The following GSDME variants were observed in gnomAD, a reference collection of about 807,000 sequenced individuals.
The protein encoded by GSDME is gasdermin E, also known as gasdermin-E.
A neutral mutation model predicts 47.5 loss-of-function variants in GSDME; 44 were observed. The observed-to-expected ratio is 0.93, with a 90% CI of 0.73 to 1.19. GSDME has a LOEUF of 1.19. Ranked by LOEUF, GSDME falls within the 50% of genes most tolerant of loss-of-function variation. GSDME has a pLI of 0.00. For missense variants in GSDME, 663 were observed against 604.2 expected (o/e 1.10, Z -1.02); for synonymous variants, 258 against 252.8 (o/e 1.02, Z -0.20).
At position 24,736,598 on chromosome 7, in the gene GSDME, C is replaced by T. The variant is rs554725627; in HGVS notation, c.404+7964G>A. ...GGAGACATCAACACCTAGCTTTCAGCATTTGACAGATCATCCAGACAGAAA... is the reference window on the plus strand; with the variant it reads ...GGAGACATCAACACCTAGCTTTCAGTATTTGACAGATCATCCAGACAGAAA... On this transcript the variant is annotated intron_variant, in intron 3 of 9. Coordinates refer to ENST00000645220, the MANE Select transcript of GSDME (RefSeq NM_001127453.2). The surrounding 1 kb of genome is among the most constrained non-coding windows in gnomAD (Gnocchi z 4.6). Among the ~76,000 whole-genome samples, 1 of 152,278 alleles carries T rather than the reference C, an allele frequency of 6.6e-6. No individual in the cohort carries two copies. Among genetic ancestry groups the T allele is most frequent in the South Asian group, 2.1e-4 (1 of 4,820 alleles).
At chr7:24,763,193 G>A in the GSDME span, among the ~76,000 whole-genome samples, 1 of 152,100 alleles carries the variant, frequency 6.6e-6, no homozygotes, top group South Asian at 2.1e-4. This position sits in a 1 kb window ranked among gnomAD's most constrained non-coding sequence, Gnocchi z 4.3. Flanking sequence ...GCAGTTCGAG[G>A]TGAGATAGCA....
chr7:24,704,440 A>G (rs1156967804), intron 8 of GSDME: 1 of 152,148 alleles, frequency 6.6e-6, no homozygotes, highest in Admixed American at 6.5e-5. Context: ...GTTTTTAAGG[A>G]GAGAAGATTA....
the GSDME span, among the ~76,000 whole-genome samples, chr7:24,787,633 T>A: frequency 2.6e-5 from 4 of 152,240 alleles, no homozygotes; most frequent in African/African-American, 9.6e-5. The surrounding 1 kb of genome is among the most constrained non-coding windows in gnomAD (Gnocchi z 5.0). Flanking sequence ...TCTTGGCTCA[T>A]TAAAGCCATT....
At chr7:24,702,946 G>A in intron 8 of GSDME, 113 bp from the exon 9 acceptor site, 1 of 840,458 alleles carries the variant, frequency 1.2e-6, no homozygotes, top group South Asian at 1.4e-5. Context: ...CAGCCAGGCA[G>A]GGGAGGTACT....
intron 3 of GSDME, among the ~76,000 whole-genome samples, chr7:24,727,854 T>C (rs748194521): frequency 3.9e-5 from 6 of 152,228 alleles, no homozygotes; most frequent in Non-Finnish European, 8.8e-5. Flanking sequence ...GACTGTAAGC[T>C]TTTTGACAAC....
intron 2 of GSDME, among the ~76,000 whole-genome samples, chr7:24,746,121 G>T (rs1449156274): frequency 6.6e-6 from 1 of 152,124 alleles, no homozygotes; most frequent in Admixed American, 6.5e-5. Context: ...CTCAACCAGG[G>T]TTAATCAGAA....
Position 24,725,096 on chromosome 7 carries a change from C to T in GSDME, c.405-5878G>A, listed in dbSNP as rs750066107. On this transcript the variant is annotated intron_variant, in intron 3 of 9. Coordinates refer to ENST00000645220, the MANE Select transcript of GSDME (RefSeq NM_001127453.2). The surrounding 1 kb of genome is among the most constrained non-coding windows in gnomAD (Gnocchi z 5.1). ...CCTGCAGAGCCATGAGCCAATTAAA[C>T]CTCTCTTCTGTATAAATTACCCAGT... 5.3e-5 allele frequency among the ~76,000 whole-genome samples: 8 copies of T among 152,194 alleles called. No individual in the cohort carries two copies. The highest frequency in any genetic ancestry group is 2.0e-4 in the Admixed American group (3 of 15,278).
chr7:24,711,058 T>G (rs1789334573), intron 5 of GSDME, among the ~76,000 whole-genome samples: 1 of 152,180 alleles, frequency 6.6e-6, no homozygotes, highest in Admixed American at 6.5e-5. Flanking sequence ...TGCCTAGGAT[T>G]TGCTTCAAAA....
intron 6 of GSDME, among the ~76,000 whole-genome samples, 199 bp from the exon 7 acceptor site, chr7:24,708,453 G>C (rs1562689693): frequency 6.6e-6 from 1 of 152,154 alleles, no homozygotes; most frequent in Admixed American, 6.5e-5. Flanking sequence ...AAGGGAGGGA[G>C]GAGAGAGAGA....
rs182756890 is a variant in GSDME, at chr7:24,728,036, G to A, written c.405-8818C>T. On this transcript the variant is annotated intron_variant, in intron 3 of 9. Transcript: ENST00000645220. The surrounding 1 kb of genome is among the most constrained non-coding windows in gnomAD (Gnocchi z 7.2). ...TAGGGGGGCTGTAACGGGAGGAAGA[G>A]ACAGGGTGCACCCAGCCCTGCCAAT... Among the ~76,000 whole-genome samples the A allele has an allele frequency of 9.8e-3, 1,487 of 152,294 alleles. 28 individuals are homozygous for A. The highest frequency in any genetic ancestry group is 0.034 in the African/African-American group (1,398 of 41,538).
chr7:24,774,194 T>C, the GSDME span, among the ~76,000 whole-genome samples: 26 of 152,230 alleles, frequency 1.7e-4, no homozygotes, highest in Admixed American at 9.2e-4. Flanking sequence ...ATCACTCATT[T>C]GCTCCTTAAC....
rs187405490 is a variant in GSDME at position 24,728,768 on chromosome 7, C to T, written c.405-9550G>A. ...CACGTTTCATAACAGAAACTTCCCA[C>T]ACATCAGAGATGCTCAGCCCACAGC... On this transcript the variant is annotated intron_variant, in intron 3 of 9. Coordinates refer to ENST00000645220, the MANE Select transcript of GSDME (RefSeq NM_001127453.2). This position sits in a 1 kb window ranked among gnomAD's most constrained non-coding sequence, Gnocchi z 7.2. Among the ~76,000 whole-genome samples the T allele has an allele frequency of 1.7e-3, 252 of 152,328 alleles. 3 individuals are homozygous for T. The highest frequency in any genetic ancestry group is 3.4e-3 in the Middle Eastern group (1 of 294).
rs541483114 is a variant in GSDME, at chr7:24,725,150, C to G, written c.405-5932G>C. ...AGGTATTTCCTTATAATAATGCAAACAGACTAACTCAATCTCCTCCTAGCT... is the reference window on the plus strand; with the variant it reads ...AGGTATTTCCTTATAATAATGCAAAGAGACTAACTCAATCTCCTCCTAGCT... On this transcript the variant is annotated intron_variant, in intron 3 of 9. Coordinates refer to ENST00000645220, the MANE Select transcript of GSDME (RefSeq NM_001127453.2). This position sits in a 1 kb window ranked among gnomAD's most constrained non-coding sequence, Gnocchi z 5.1. Among the ~76,000 whole-genome samples the G allele has an allele frequency of 6.6e-6, 1 of 152,196 alleles. No homozygotes were observed. The highest frequency in any genetic ancestry group is 6.5e-5 in the Admixed American group (1 of 15,290).
intron 5 of GSDME, among the ~76,000 whole-genome samples, chr7:24,711,793 C>CAATA (rs1481986232): frequency 9.1e-6 from 1 of 110,472 alleles, no homozygotes; most frequent in East Asian, 2.8e-4. Flanking sequence ...CCAGCCTGGG[C>CAATA]AATAGAGCAA....
chr7:24,779,500 T>C, the GSDME span, among the ~76,000 whole-genome samples: 1 of 144,214 alleles, frequency 6.9e-6, no homozygotes, highest in African/African-American at 2.5e-5. The surrounding 1 kb of genome is among the most constrained non-coding windows in gnomAD (Gnocchi z 6.0). Flanking sequence ...TGATACATGG[T>C]GTGTGTGTGT....
At chr7:24,782,469 A>G in the GSDME span, among the ~76,000 whole-genome samples, 6 of 152,240 alleles carry the variant, frequency 3.9e-5, no homozygotes, top group Middle Eastern at 3.4e-3. Context: ...TCTATCATTG[A>G]TGGACATTTG....
In GSDME at chr7:24,745,831, C is replaced by G. The variant is rs763841079; in HGVS notation, c.212-1077G>C. Among the ~76,000 whole-genome samples the G allele has an allele frequency of 6.6e-6, 1 of 152,044 alleles. No homozygotes were observed. The highest frequency in any genetic ancestry group is 2.1e-4 in the South Asian group (1 of 4,818). On this transcript the variant is annotated intron_variant, in intron 2 of 9. Transcript: ENST00000645220. The surrounding 1 kb of genome is among the most constrained non-coding windows in gnomAD (Gnocchi z 4.4). ...GCCAGCCTGGGTGACAGAGCAACAC[C>G]TTATCTCTAAGAAAATATAAAAATA...
rs768626792 is a variant in GSDME at position 24,744,652 on chromosome 7, C to G, written c.314G>C (p.Gly105Ala). The G allele has an allele frequency of 6.2e-7, 1 of 1,614,040 alleles. No homozygotes were observed. Residue 105 changes from glycine (G) to alanine (A), a missense_variant, in exon 3 of 10, where the codon GGC (glycine) becomes GCC (alanine). Physicochemically the swap from Gly to Ala is moderately conservative, Grantham distance 60 (BLOSUM62 0). Coordinates refer to ENST00000645220, the MANE Select transcript of GSDME (RefSeq NM_001127453.2). The surrounding 1 kb of genome is among the most constrained non-coding windows in gnomAD (Gnocchi z 4.5). ...ALGKVKLNLG[G>A]SSRVESQSSF... ...AGACTGGCTCTCTACGCGGCTGCTG[C>G]CCCCCAGGTTCAGCTTGACCTTCCC...
At chr7:24,753,641 C>T (rs891797540) in intron 1 of GSDME, among the ~76,000 whole-genome samples, 14 of 152,138 alleles carry the variant, frequency 9.2e-5, no homozygotes, top group Non-Finnish European at 1.8e-4. Context: ...AACAGTGTAT[C>T]ATTAGACTTT....
Sources: allele counts gnomAD v4.1 joint callset (sites outside exome capture counted in the v4.1 genomes callset), GRCh38; gene constraint gnomAD v4.1.1; non-coding constraint Gnocchi (gnomAD v3.1); transcripts MANE v1.5; gene names NCBI Gene and HGNC (gene_info 2026-07-23, HGNC 2026-07-21).